Variants in PLXNA4 observed in about 807,000 individuals in gnomAD.
PLXNA4 encodes plexin-A4.
PLXNA4 carries 44 observed loss-of-function variants against 191.8 expected under a neutral mutation model. The observed-to-expected ratio is 0.23, with a 90% CI of 0.18 to 0.29. The LOEUF (loss-of-function observed/expected upper bound fraction) is 0.29, where lower values mean the gene tolerates loss of function less well. Ranked by LOEUF, PLXNA4 falls within the 10% of genes least tolerant of loss-of-function variation. The probability of loss-of-function intolerance (pLI) is 1.00; values close to 1 mark genes in which losing one functional copy is unlikely to be tolerated. For synonymous variants in PLXNA4, 1,082 were observed against 1,009.5 expected (o/e 1.07, Z -1.36); for missense variants, 1,800 against 2,488.8 (o/e 0.72, Z 5.89).
At chr7:132,516,990 T>G (rs1366464402) in intron 1 of PLXNA4, among the ~76,000 whole-genome samples, 1 of 152,050 alleles carries the variant, frequency 6.6e-6, no homozygotes, top group Non-Finnish European at 1.5e-5. Flanking sequence ...GTGTCCCTGC[T>G]CTCCAGGGGC....
intron 5 of PLXNA4, among the ~76,000 whole-genome samples, chr7:132,237,359 G>T (rs1798735816): frequency 6.6e-6 from 1 of 152,186 alleles, no homozygotes; most frequent in Non-Finnish European, 1.5e-5. Context: ...TATCAAGGAT[G>T]TATTCGAGTT....
At chr7:132,244,098 G>A (rs372939359) in intron 4 of PLXNA4, among the ~76,000 whole-genome samples, 78 of 152,264 alleles carry the variant, frequency 5.1e-4, no homozygotes, top group African/African-American at 1.8e-3. Flanking sequence ...GTGAGACAGG[G>A]ACACAAGTCC....
chr7:132,299,011 A>G (rs1286967724), intron 3 of PLXNA4, among the ~76,000 whole-genome samples: 1 of 152,236 alleles, frequency 6.6e-6, no homozygotes, highest in Non-Finnish European at 1.5e-5. Context: ...CCTAGAAAAG[A>G]CATGAGCTTT....
At position 132,126,493 on chromosome 7, in the gene PLXNA4, T is replaced by G. The variant is rs1794771626; in HGVS notation, c.*3986A>C. 1.3e-5 allele frequency: 2 copies of G among 151,982 alleles called. No individual in the cohort carries two copies. Among genetic ancestry groups the G allele is most frequent in the Admixed American group, 6.6e-5 (1 of 15,238 alleles). The allele number at this position is 151,982 out of a possible 1,614,324, so 9.4% of individuals were successfully genotyped here. On this transcript the variant is annotated 3_prime_UTR_variant, in exon 32 of 32. Transcript: ENST00000321063. ...GAGGAGCACAGGCAGAAGCCAGACA[T>G]GCAACGGGAGACACGGTACCAGGGA...
chr7:132,408,611 G>A lies in PLXNA4; in HGVS notation c.1371+80681C>T, dbSNP rs138068882. On this transcript the variant is annotated intron_variant, in intron 3 of 31. Coordinates refer to ENST00000321063, the MANE Select transcript of PLXNA4 (RefSeq NM_020911.2). ...CATGAGTAGCTGGGACTACAGGCAC[G>A]TGCCACCACATCTGGCTAATTTTTT... Among the ~76,000 whole-genome samples the A allele has an allele frequency of 2.6e-3, 391 of 152,130 alleles. 2 individuals are homozygous for A. The highest frequency in any genetic ancestry group is 4.5e-3 in the Non-Finnish European group (306 of 67,992).
intron 10 of PLXNA4, among the ~76,000 whole-genome samples, chr7:132,205,024 C>T (rs942913839): frequency 1.3e-5 from 2 of 152,170 alleles, no homozygotes; most frequent in Non-Finnish European, 2.9e-5. Flanking sequence ...GCAACGTACC[C>T]CCGTCGTTGA....
chr7:132,134,559 G>A (rs1795058768), intron 30 of PLXNA4, among the ~76,000 whole-genome samples: 1 of 152,186 alleles, frequency 6.6e-6, no homozygotes, highest in African/African-American at 2.4e-5. Flanking sequence ...CAGAGGGAGG[G>A]AGATGACAGC....
intron 3 of PLXNA4, among the ~76,000 whole-genome samples, chr7:132,379,538 T>C (rs1272629026): frequency 2.0e-5 from 3 of 152,234 alleles, no homozygotes; most frequent in African/African-American, 7.2e-5. Context: ...CTTTGTTCTC[T>C]GTATTGTGAT....
chr7:132,196,898 C>T (rs1191873442), intron 13 of PLXNA4, among the ~76,000 whole-genome samples: 1 of 152,122 alleles, frequency 6.6e-6, no homozygotes, highest in Admixed American at 6.5e-5. Flanking sequence ...CGTTCATGCT[C>T]TTTGATCATT....
chr7:132,623,974 T>C lies in PLXNA4; in HGVS notation c.-87+21954A>G, dbSNP rs968379422. 6.6e-5 allele frequency among the ~76,000 whole-genome samples: 10 copies of C among 152,380 alleles called. No homozygotes were observed. In the East Asian group the frequency reaches 1.5e-3, roughly 23 times the overall value. ...GAATGAAAGAATAAAGGAAGCTTAG[T>C]CTTTGAATTGCCATCACTAATAGTC... On this transcript the variant is annotated intron_variant, in intron 2 of 4. Transcript: ENST00000378539.
chr7:132,379,395 T>C (rs1804799240), intron 3 of PLXNA4, among the ~76,000 whole-genome samples: 1 of 152,170 alleles, frequency 6.6e-6, no homozygotes, highest in African/African-American at 2.4e-5. Flanking sequence ...ACCTGGCTTT[T>C]ACAAAACCCC....
chr7:132,580,329 T>C (rs1802379283), upstream of PLXNA4, among the ~76,000 whole-genome samples: 1 of 152,118 alleles, frequency 6.6e-6, no homozygotes, highest in South Asian at 2.1e-4. Flanking sequence ...AGGTACAAGA[T>C]CTTCTGGCTC....
intron 3 of PLXNA4, among the ~76,000 whole-genome samples, chr7:132,304,252 A>G (rs1309528848): frequency 6.6e-6 from 1 of 152,174 alleles, no homozygotes; most frequent in African/African-American, 2.4e-5. Context: ...ACTAGAGAAG[A>G]TCAGAGAGCC....
chr7:132,475,591 C>G (rs1797093636), intron 3 of PLXNA4, among the ~76,000 whole-genome samples: 1 of 152,058 alleles, frequency 6.6e-6, no homozygotes, highest in African/African-American at 2.4e-5. Context: ...AAATAAAGGT[C>G]CCCCTTCCCC....
rs185794360 is a variant in PLXNA4, at chr7:132,333,754, G to A, written c.1372-35532C>T. On this transcript the variant is annotated intron_variant, in intron 3 of 31. Coordinates refer to ENST00000321063, the MANE Select transcript of PLXNA4 (RefSeq NM_020911.2). ...CCCTTCAGTGAGGAAAATCAGCTCC[G>A]GGCCCCACTTCCCAAGGGTCCTGTG... is the stretch of plus-strand genomic sequence containing the variant. Among the ~76,000 whole-genome samples the A allele has an allele frequency of 1.5e-3, 235 of 152,228 alleles. 2 individuals carry two copies. The highest frequency in any genetic ancestry group is 5.3e-3 in the African/African-American group (222 of 41,564).
intron 24 of PLXNA4, among the ~76,000 whole-genome samples, chr7:132,163,323 G>A (rs1013919847): frequency 8.5e-5 from 13 of 152,188 alleles, no homozygotes; most frequent in Non-Finnish European, 1.5e-5. Flanking sequence ...AGTATGACGC[G>A]GGCTTCACTG....
At chr7:132,326,339 C>T (rs1020917513) in intron 3 of PLXNA4, among the ~76,000 whole-genome samples, 2 of 152,202 alleles carry the variant, frequency 1.3e-5, no homozygotes, top group South Asian at 4.1e-4. Context: ...TACAACAAAC[C>T]TCTTTATGTA....
intron 5 of PLXNA4, among the ~76,000 whole-genome samples, chr7:132,237,967 G>A (rs769163833): frequency 2.0e-5 from 3 of 152,128 alleles, no homozygotes; most frequent in South Asian, 2.1e-4. Context: ...TTTAGCTCTC[G>A]CTCTATGAAC....
intron 1 of PLXNA4, among the ~76,000 whole-genome samples, chr7:132,541,556 T>C (rs1237545892): frequency 6.6e-6 from 1 of 152,268 alleles, no homozygotes; most frequent in Non-Finnish European, 1.5e-5. Flanking sequence ...TAGAGGTTTT[T>C]TCGTTGTTTT....
Sources: allele counts gnomAD v4.1 joint callset (sites outside exome capture counted in the v4.1 genomes callset), GRCh38; gene constraint gnomAD v4.1.1; transcripts MANE v1.5; gene names NCBI Gene and HGNC (gene_info 2026-07-23, HGNC 2026-07-21).